Variants in CDH8 observed in about 807,000 individuals in gnomAD.
The protein encoded by CDH8 is cadherin 8, also known as cadherin-8.
In CDH8, 17 loss-of-function variants were observed where a neutral mutation model predicts 68.1. The ratio of observed to expected loss-of-function variants is 0.25; its 90% CI spans 0.17 to 0.37. The LOEUF is 0.37. CDH8 is among the 10% of genes least tolerant of loss of function. The pLI is 1.00. For synonymous variants in CDH8, 372 were observed against 365.1 expected, an observed-to-expected ratio of 1.02 and a Z score of -0.21; for missense variants, 763 against 999.3, an observed-to-expected ratio of 0.76 and a Z score of 3.19.
At chr16:61,797,715 T>A (rs940430814) in intron 7 of CDH8, among the ~76,000 whole-genome samples, 31 of 152,268 alleles carry the variant, frequency 2.0e-4, no homozygotes, top group African/African-American at 6.7e-4. Context: ...CAGATTTTTT[T>A]AAAATAACAA....
chr16:61,929,774 C>T (rs1231876884), intron 2 of CDH8, among the ~76,000 whole-genome samples: 2 of 152,052 alleles, frequency 1.3e-5, no homozygotes, highest in Admixed American at 6.6e-5. Flanking sequence ...CCTGTAGTTC[C>T]AGCCACTTGG....
At chr16:61,873,484 T>C (rs1239979637) in intron 3 of CDH8, among the ~76,000 whole-genome samples, 1 of 152,126 alleles carries the variant, frequency 6.6e-6, no homozygotes, top group Non-Finnish European at 1.5e-5. Flanking sequence ...TTAACATTAC[T>C]AATTAACTAG....
chr16:61,808,147 G>A (rs973529637), intron 7 of CDH8, among the ~76,000 whole-genome samples: 4 of 152,274 alleles, frequency 2.6e-5, no homozygotes, highest in Admixed American at 2.6e-4. Context: ...CAAGTTTGAT[G>A]TACAAACTAC....
chr16:61,675,523 A>G (rs1178171794), intron 10 of CDH8, among the ~76,000 whole-genome samples: 1 of 150,672 alleles, frequency 6.6e-6, no homozygotes, highest in Non-Finnish European at 1.5e-5. Context: ...TGGGTGCAGC[A>G]CACCAGCATG....
At chr16:61,860,377 T>G (rs1963127933) in intron 3 of CDH8, among the ~76,000 whole-genome samples, 1 of 152,164 alleles carries the variant, frequency 6.6e-6, no homozygotes, top group South Asian at 2.1e-4. Flanking sequence ...GACAGGGGTA[T>G]GTAGTAACTA....
chr16:61,757,474 T>G (rs1042652497), intron 8 of CDH8, among the ~76,000 whole-genome samples: 3 of 152,226 alleles, frequency 2.0e-5, no homozygotes, highest in Non-Finnish European at 4.4e-5. Context: ...TGCTTTTGTG[T>G]GATTCACAAT....
chr16:61,781,507 G>A (rs1961054357), intron 8 of CDH8, among the ~76,000 whole-genome samples: 1 of 152,142 alleles, frequency 6.6e-6, no homozygotes, highest in Non-Finnish European at 1.5e-5. Context: ...TGTAGGCCCA[G>A]ATGCTAGGGA....
chr16:61,725,225 T>G (rs1473440429), intron 9 of CDH8: 2 of 150,636 alleles, frequency 1.3e-5, no homozygotes, highest in Admixed American at 1.3e-4. Flanking sequence ...TGGTTTTGCA[T>G]AGGAAAGATG....
At chr16:61,724,456 G>A (rs1959284410) in intron 9 of CDH8, among the ~76,000 whole-genome samples, 1 of 150,246 alleles carries the variant, frequency 6.7e-6, no homozygotes, top group Admixed American at 6.7e-5. Flanking sequence ...CTTTACATAG[G>A]CCCTTTTGGT....
intron 2 of CDH8, among the ~76,000 whole-genome samples, chr16:61,939,509 G>T (rs1224925194): frequency 2.0e-5 from 3 of 152,108 alleles, no homozygotes; most frequent in Non-Finnish European, 4.4e-5. Flanking sequence ...CTTTTACTGC[G>T]ATGTTTGAAG....
intron 8 of CDH8, among the ~76,000 whole-genome samples, chr16:61,775,573 G>T (rs1960880605): frequency 2.0e-5 from 3 of 152,094 alleles, no homozygotes; most frequent in African/African-American, 7.2e-5. Context: ...CAAACTGGAT[G>T]CAAATAAAGG....
In CDH8 at chr16:61,761,093, A is replaced by G. The variant is rs1320735895; in HGVS notation, c.1414+28253T>C. Among the ~76,000 whole-genome samples the G allele has an allele frequency of 5.3e-5, 8 of 152,192 alleles. No individual in the cohort carries two copies. In the South Asian group the frequency reaches 6.2e-4, roughly 12 times the overall value. Reference sequence around the variant, plus strand: ...TTATAACATTTCACATGATACATATATAAATATGTGTGTATAATTTAAAAT... The same window carrying G: ...TTATAACATTTCACATGATACATATGTAAATATGTGTGTATAATTTAAAAT... On this transcript the variant is annotated intron_variant, in intron 8 of 11. Transcript: ENST00000577390.
chr16:61,849,506 C>T (rs1049438635), intron 4 of CDH8, among the ~76,000 whole-genome samples: 1 of 152,024 alleles, frequency 6.6e-6, no homozygotes, highest in East Asian at 1.9e-4. Flanking sequence ...AATTAGCCAC[C>T]CTTGCACCTC....
At chr16:61,715,479 A>T (rs992192816) in intron 9 of CDH8, among the ~76,000 whole-genome samples, 1 of 151,642 alleles carries the variant, frequency 6.6e-6, no homozygotes, top group Non-Finnish European at 1.5e-5. Flanking sequence ...TTGATTATGG[A>T]TTTAAATTCA....
At chr16:61,862,600 G>C (rs1042492235) in intron 3 of CDH8, among the ~76,000 whole-genome samples, 35 of 152,328 alleles carry the variant, frequency 2.3e-4, no homozygotes, top group Admixed American at 2.2e-3. Flanking sequence ...ACTCAAGACT[G>C]TTGATGCACC....
At chr16:61,714,524 T>C (rs985941132) in intron 9 of CDH8, among the ~76,000 whole-genome samples, 1 of 151,564 alleles carries the variant, frequency 6.6e-6, no homozygotes, top group Non-Finnish European at 1.5e-5. Flanking sequence ...ATGCAAACAA[T>C]GCTTTGGAGT....
intron 10 of CDH8, among the ~76,000 whole-genome samples, chr16:61,684,843 T>C (rs1187775207): frequency 6.6e-6 from 1 of 151,984 alleles, no homozygotes; most frequent in African/African-American, 2.4e-5. Flanking sequence ...TGAACATCAT[T>C]AATGGATTCA....
At chr16:61,951,586 T>A (rs898059815) in intron 2 of CDH8, among the ~76,000 whole-genome samples, 1 of 152,152 alleles carries the variant, frequency 6.6e-6, no homozygotes, top group Non-Finnish European at 1.5e-5. Flanking sequence ...ATAATTTTTT[T>A]AAAAAACTGT....
rs75413751 is a variant in CDH8, at chr16:61,676,684, A to G, written c.1655-20963T>C. On this transcript the variant is annotated intron_variant, in intron 10 of 11. Transcript: ENST00000577390. ...ATTTTGAAAGACTGAATATTTTTCCAAAACATCAGCAACAAGCAAGGTTGT... is the reference window on the plus strand; with the variant it reads ...ATTTTGAAAGACTGAATATTTTTCCGAAACATCAGCAACAAGCAAGGTTGT... Among the ~76,000 whole-genome samples the G allele has an allele frequency of 0.026, 3,992 of 152,178 alleles. 324 individuals are homozygous for G. In the East Asian group the frequency reaches 0.26, roughly 10 times the overall value.
Sources: allele counts gnomAD v4.1 joint callset (sites outside exome capture counted in the v4.1 genomes callset), GRCh38; gene constraint gnomAD v4.1.1; transcripts MANE v1.5; gene names NCBI Gene and HGNC (gene_info 2026-07-23, HGNC 2026-07-21).